GALNT13: variants seen among roughly 807,000 people sequenced by gnomAD.
GALNT13 encodes the protein UDP-GalNAc:polypeptide N-acetylgalactosaminyltransferase 13.
GALNT13 carries 28 observed loss-of-function variants against 64.2 expected under a neutral mutation model. The observed-to-expected ratio is 0.44, with a 90% CI of 0.32 to 0.60. The LOEUF is 0.60. GALNT13 is among the 20% of genes least tolerant of loss of function. GALNT13 has a pLI of 0.05. For missense variants in GALNT13, 577 were observed against 669.8 expected (o/e 0.86, Z 1.53); for synonymous variants, 214 against 224.6 (o/e 0.95, Z 0.42).
chr2:153,381,546 G>C, the GALNT13 span, among the ~76,000 whole-genome samples: 1 of 151,884 alleles, frequency 6.6e-6, no homozygotes, highest in Non-Finnish European at 1.5e-5. Flanking sequence ...ATGTAATATA[G>C]CTAGAAATAA....
At chr2:153,185,849 G>A in the GALNT13 span, among the ~76,000 whole-genome samples, 1 of 152,096 alleles carries the variant, frequency 6.6e-6, no homozygotes, top group African/African-American at 2.4e-5. Context: ...CAGTTATTTT[G>A]CATTTGCTGA....
chr2:154,023,148 C>A lies in GALNT13; in HGVS notation c.142+78509C>A, dbSNP rs144336083. 5.1e-3 allele frequency among the ~76,000 whole-genome samples: 776 copies of A among 152,240 alleles called. 5 individuals are homozygous for A. Among genetic ancestry groups the A allele is most frequent in the African/African-American group, 0.018 (735 of 41,554 alleles). ...GTTTTGGAGTAGGTGTTGTGTAGTG[C>A]TGAAAAGAATGTATATTCTGTTGAT... On this transcript the variant is annotated intron_variant, in intron 3 of 12. Transcript: ENST00000392825.
the GALNT13 span, among the ~76,000 whole-genome samples, chr2:153,645,067 C>A: frequency 1.3e-3 from 197 of 152,210 alleles, 1 homozygote; most frequent in Non-Finnish European, 1.9e-3. Flanking sequence ...CAGATCCTCA[C>A]TATTGTGAAA....
intron 4 of GALNT13, among the ~76,000 whole-genome samples, chr2:154,153,601 G>A (rs1055184144): frequency 7.2e-5 from 11 of 152,322 alleles, no homozygotes; most frequent in African/African-American, 2.6e-4. Context: ...GAGCTTCCTG[G>A]CTGCTTTGTT....
At chr2:154,132,175 A>G (rs1558976089) in intron 3 of GALNT13, among the ~76,000 whole-genome samples, 1 of 152,144 alleles carries the variant, frequency 6.6e-6, no homozygotes, top group East Asian at 1.9e-4. Flanking sequence ...AATAATTTGC[A>G]TCCTTCATCC....
intron 9 of GALNT13, among the ~76,000 whole-genome samples, chr2:154,387,997 A>G (rs1698596584): frequency 6.6e-6 from 1 of 152,152 alleles, no homozygotes; most frequent in Non-Finnish European, 1.5e-5. Flanking sequence ...GAAGCTCCAT[A>G]CCACTTTTAT....
At chr2:153,745,493 T>C in the GALNT13 span, among the ~76,000 whole-genome samples, 10 of 152,246 alleles carry the variant, frequency 6.6e-5, no homozygotes, top group East Asian at 1.5e-3. Context: ...TGAGGTTCCT[T>C]TTGAGGTTTT....
At chr2:153,333,619 C>T in the GALNT13 span, among the ~76,000 whole-genome samples, 4 of 152,002 alleles carry the variant, frequency 2.6e-5, no homozygotes, top group Non-Finnish European at 5.9e-5. Context: ...TGATCTGTGC[C>T]GTTACATAAC....
chr2:153,278,609 G>A, the GALNT13 span, among the ~76,000 whole-genome samples: 9 of 151,728 alleles, frequency 5.9e-5, no homozygotes, highest in Non-Finnish European at 1.2e-4. Context: ...TATTGAATAG[G>A]GATTCTTTTC....
At position 153,904,156 on chromosome 2, in the gene GALNT13, A is replaced by C. The variant is rs79595094; in HGVS notation, c.-105+3149A>C. ...TTTCTTTAATGTTTTTGTGTGGTTCATTAATTTTCATTGCTATATAGTATT... is the reference window on the plus strand; with the variant it reads ...TTTCTTTAATGTTTTTGTGTGGTTCCTTAATTTTCATTGCTATATAGTATT... On this transcript the variant is annotated intron_variant, in intron 2 of 12. Coordinates refer to ENST00000392825, the MANE Select transcript of GALNT13 (RefSeq NM_052917.4). 5.7e-3 allele frequency among the ~76,000 whole-genome samples: 870 copies of C among 152,048 alleles called. 10 individuals carry two copies. The highest frequency in any genetic ancestry group is 0.055 in the East Asian group (283 of 5,172).
At chr2:153,880,926 A>G (rs2105237074) in intron 1 of GALNT13, among the ~76,000 whole-genome samples, 1 of 152,282 alleles carries the variant, frequency 6.6e-6, no homozygotes, top group African/African-American at 2.4e-5. Flanking sequence ...AGCCAGACTG[A>G]ACTATGTATT....
At chr2:153,278,453 T>A in the GALNT13 span, among the ~76,000 whole-genome samples, 2 of 152,166 alleles carry the variant, frequency 1.3e-5, no homozygotes, top group African/African-American at 2.4e-5. Flanking sequence ...GAGTGGTGTT[T>A]CCCAGGTTTT....
At position 154,245,809 on chromosome 2, in the gene GALNT13, C is replaced by A; in HGVS notation, c.687-3C>A. 8 of 1,580,276 alleles carry A rather than the reference C, an allele frequency of 5.1e-6. No homozygotes were observed. Among genetic ancestry groups the A allele is most frequent in the East Asian group, 2.3e-5 (1 of 44,192 alleles). Reference sequence around the variant, plus strand: ...CTATAAATTGGTTTTAATTTCTCTGCAGGAAAACGGTTGTCTGCCCTATCA... The same window carrying A: ...CTATAAATTGGTTTTAATTTCTCTGAAGGAAAACGGTTGTCTGCCCTATCA... On this transcript the variant is annotated splice_region_variant and splice_polypyrimidine_tract_variant and intron_variant, in intron 6 of 12. Coordinates refer to ENST00000392825, the MANE Select transcript of GALNT13 (RefSeq NM_052917.4).
the GALNT13 span, among the ~76,000 whole-genome samples, chr2:153,167,479 T>C: frequency 6.6e-6 from 1 of 152,242 alleles, no homozygotes; most frequent in Non-Finnish European, 1.5e-5. Flanking sequence ...TAACCTAGTC[T>C]TTCCTCCTGA....
At chr2:153,248,806 ACT>A in the GALNT13 span, among the ~76,000 whole-genome samples, 1 of 111,752 alleles carries the variant, frequency 8.9e-6, no homozygotes, top group East Asian at 2.2e-4. Flanking sequence ...ACTGAGCGAG[ACT>A]CTGTCTCGAA....
At chr2:153,227,293 T>C in the GALNT13 span, among the ~76,000 whole-genome samples, 1 of 152,192 alleles carries the variant, frequency 6.6e-6, no homozygotes, top group Non-Finnish European at 1.5e-5. Context: ...GAGTGCAGCA[T>C]TGGCAAATTG....
chr2:153,435,962 G>T, the GALNT13 span, among the ~76,000 whole-genome samples: 1 of 152,092 alleles, frequency 6.6e-6, no homozygotes, highest in Non-Finnish European at 1.5e-5. Flanking sequence ...TTGGCTGTGG[G>T]TTTGTCATTG....
the GALNT13 span, among the ~76,000 whole-genome samples, chr2:153,269,920 A>T: frequency 6.6e-6 from 1 of 152,164 alleles, no homozygotes; most frequent in African/African-American, 2.4e-5. Context: ...ACTCCCCATA[A>T]TCCAATCACC....
At chr2:153,834,163 T>C in the GALNT13 span, among the ~76,000 whole-genome samples, 1 of 152,116 alleles carries the variant, frequency 6.6e-6, no homozygotes, top group Non-Finnish European at 1.5e-5. Flanking sequence ...TATTTTCTGT[T>C]GTAAAGCTCT....
Sources: allele counts gnomAD v4.1 joint callset (sites outside exome capture counted in the v4.1 genomes callset), GRCh38; gene constraint gnomAD v4.1.1; transcripts MANE v1.5; gene names NCBI Gene and HGNC (gene_info 2026-07-23, HGNC 2026-07-21).